PDIA5: variants seen among roughly 807,000 people sequenced by gnomAD.
PDIA5 encodes the protein protein disulfide-isomerase A5.
A neutral mutation model predicts 77.6 loss-of-function variants in PDIA5; 58 were observed. That is an observed-to-expected ratio of 0.75 (90% confidence interval 0.61 to 0.93). The LOEUF (loss-of-function observed/expected upper bound fraction) is 0.93. Among genes scored for constraint, PDIA5 ranks in the 40% least tolerant of loss-of-function variants. PDIA5 has a pLI of 0.00. For missense variants in PDIA5, 630 were observed against 647.7 expected (o/e 0.97, Z 0.30); for synonymous variants, 250 against 252.1 (o/e 0.99, Z 0.08).
chr3:123,116,207 G>A, intron 7 of PDIA5, 24 bp from the exon 8 acceptor site: 1 of 1,607,040 alleles, frequency 6.2e-7, no homozygotes, highest in Admixed American at 1.7e-5. Context: ...AACCGGATGT[G>A]GTCTCTCTCC....
chr3:123,113,305 T>C (rs1934910108), intron 7 of PDIA5, among the ~76,000 whole-genome samples: 1 of 152,056 alleles, frequency 6.6e-6, no homozygotes, highest in African/African-American at 2.4e-5. Context: ...CATTTAGAAG[T>C]GTGCACGGGC....
At chr3:123,101,269 G>T (rs1014532351) in intron 3 of PDIA5, among the ~76,000 whole-genome samples, 2 of 152,158 alleles carry the variant, frequency 1.3e-5, no homozygotes, top group South Asian at 2.1e-4. Context: ...TATCCCCAGG[G>T]TTTCTAATTT....
At chr3:123,107,665 T>G (rs1934768070) in intron 6 of PDIA5, among the ~76,000 whole-genome samples, 1 of 152,214 alleles carries the variant, frequency 6.6e-6, no homozygotes, top group Non-Finnish European at 1.5e-5. Flanking sequence ...AGAACTTCTC[T>G]GTGATAGTCC....
chr3:123,119,449 T>C (rs1935057973), intron 8 of PDIA5, among the ~76,000 whole-genome samples: 1 of 152,218 alleles, frequency 6.6e-6, no homozygotes. Flanking sequence ...TTTGTTTGTA[T>C]ATTTTCTTGC....
chr3:123,161,846 T>A (rs1237829143), intron 16 of PDIA5, 34 bp from the exon 17 acceptor site: 1 of 1,363,604 alleles, frequency 7.3e-7, no homozygotes, highest in Admixed American at 1.7e-5. Flanking sequence ...GGATTAAAGC[T>A]CTTTCTCTCT....
intron 7 of PDIA5, 131 bp downstream of exon 7, chr3:123,111,135 C>A: frequency 1.4e-6 from 1 of 698,710 alleles, no homozygotes. Flanking sequence ...AATCTCATCT[C>A]TCCATCTGCG....
At chr3:123,068,258 A>G (rs1455074052) in intron 1 of PDIA5, among the ~76,000 whole-genome samples, 1 of 152,166 alleles carries the variant, frequency 6.6e-6, no homozygotes, top group Non-Finnish European at 1.5e-5. Flanking sequence ...TGTGGCAAGG[A>G]CACTGGGCAA....
intron 10 of PDIA5, among the ~76,000 whole-genome samples, chr3:123,125,393 G>C (rs1026841666): frequency 6.6e-6 from 1 of 152,194 alleles, no homozygotes; most frequent in Non-Finnish European, 1.5e-5. Flanking sequence ...CTGAGGCACA[G>C]TAAAGGGGTG....
chr3:123,069,512 T>C (rs9873177), intron 1 of PDIA5, among the ~76,000 whole-genome samples: 20,517 of 152,098 alleles, frequency 0.13, 1,606 homozygotes, highest in Non-Finnish European at 0.18. Flanking sequence ...ACAATTGAAA[T>C]GTATTTTTCA....
Position 123,124,271 on chromosome 3 carries a change from G to A in PDIA5, c.702-1G>A. 1 of 1,612,054 alleles carries A rather than the reference G, an allele frequency of 6.2e-7. No individual in the cohort carries two copies. Among genetic ancestry groups the A allele is most frequent in the Non-Finnish European group, 8.5e-7 (1 of 1,178,050 alleles). ...CCACGTTGTTTCTCCACGTTTCACA[G>A]GAAAGGACGGTTCTTGTTCCAGTAT... On this transcript the variant is annotated splice_acceptor_variant, in intron 9 of 16. Coordinates refer to ENST00000316218, the MANE Select transcript of PDIA5 (RefSeq NM_006810.4). LOFTEE classifies it high-confidence loss of function.
chr3:123,067,455 G>T, intron 1 of PDIA5: 1 of 393,940 alleles, frequency 2.5e-6, no homozygotes, highest in Non-Finnish European at 4.5e-6. Flanking sequence ...GAGATCCCTG[G>T]CAGGGTGCTT....
chr3:123,111,057 G>T (rs1366449012), intron 7 of PDIA5, 53 bp downstream of exon 7: 3 of 1,422,952 alleles, frequency 2.1e-6, no homozygotes, highest in South Asian at 2.3e-5. Flanking sequence ...CTCTTTGTGG[G>T]TGGGAGGCAG....
chr3:123,106,714 A>C (rs113965515), intron 5 of PDIA5, 35 bp from the exon 6 acceptor site: 4 of 1,461,300 alleles, frequency 2.7e-6, no homozygotes, highest in African/African-American at 1.4e-5. Flanking sequence ...TTTCAGGGCT[A>C]AAATGCATTT....
chr3:123,102,674 A>G, intron 4 of PDIA5, 77 bp from the exon 5 acceptor site: 1 of 1,255,130 alleles, frequency 8.0e-7, no homozygotes, highest in Non-Finnish European at 1.2e-6. Flanking sequence ...AATCTTATTA[A>G]GATGCTGCAG....
At chr3:123,069,916 C>G (rs975143911) in intron 1 of PDIA5, among the ~76,000 whole-genome samples, 1 of 151,800 alleles carries the variant, frequency 6.6e-6, no homozygotes, top group African/African-American at 2.4e-5. Context: ...ATGGTGAAAC[C>G]CCGTCTCTAC....
chr3:123,112,211 G>A (rs1331920802), intron 7 of PDIA5, among the ~76,000 whole-genome samples: 2 of 152,158 alleles, frequency 1.3e-5, no homozygotes, highest in Non-Finnish European at 2.9e-5. Flanking sequence ...GGCCCTTCAC[G>A]AAGCCAGCAG....
chr3:123,142,051 G>A (rs750440312), intron 11 of PDIA5, among the ~76,000 whole-genome samples: 32 of 152,240 alleles, frequency 2.1e-4, no homozygotes, highest in Non-Finnish European at 4.0e-4. Flanking sequence ...GTGTGGGGAA[G>A]GGGAGGAGAG....
chr3:123,110,840 C>T (rs1560522364), intron 6 of PDIA5, 104 bp from the exon 7 acceptor site: 1 of 955,930 alleles, frequency 1.0e-6, no homozygotes, highest in South Asian at 1.3e-5. Flanking sequence ...CTCCCCTCCC[C>T]ATCCCTACCC....
chr3:123,137,319 C>A (rs2107972979), intron 11 of PDIA5, among the ~76,000 whole-genome samples: 1 of 152,312 alleles, frequency 6.6e-6, no homozygotes, highest in Non-Finnish European at 1.5e-5. Flanking sequence ...CTTCCATGGA[C>A]CACCTATTCA....
Sources: gnomAD v4.1 joint callset for allele counts (sites outside exome capture counted in the v4.1 genomes callset) on GRCh38, gnomAD v4.1.1 for gene constraint, MANE v1.5 for transcripts, NCBI Gene and HGNC (gene_info 2026-07-23, HGNC 2026-07-21) for gene names.